The following PDZD8 variants were observed in gnomAD, a reference collection of about 807,000 sequenced individuals.
PDZD8 encodes the protein PDZ domain containing 8, also known as PDZ domain-containing protein 8.
A neutral mutation model predicts 85.8 loss-of-function variants in PDZD8; 14 were observed. The ratio of observed to expected loss-of-function variants is 0.16; its 90% CI spans 0.11 to 0.26. PDZD8 has a LOEUF of 0.26. Ranked by LOEUF, PDZD8 falls within the 10% of genes least tolerant of loss-of-function variation. PDZD8 has a pLI of 1.00. For missense variants in PDZD8, 1,197 were observed against 1,424.3 expected (o/e 0.84, Z 2.57); for synonymous variants, 592 against 568.6 (o/e 1.04, Z -0.59).
rs755023500 is a variant in PDZD8, at chr10:117,375,254, T to A, written c.-27A>T. 24 of 1,434,156 alleles carry A rather than the reference T, an allele frequency of 1.7e-5. No homozygotes were observed. The highest frequency in any genetic ancestry group is 1.9e-5 in the Non-Finnish European group (21 of 1,097,804). 88.8% of individuals were successfully genotyped at this position (1,434,156 alleles called of 1,614,324 possible). ...CCGCCACCGCCTCCGCCCGGGCCCC[T>A]ACTCCCGCGCCCACAGCGCCGCTTT... On this transcript the variant is annotated 5_prime_UTR_variant, in exon 1 of 5. Transcript: ENST00000334464.
At chr10:117,346,962 T>C (rs1209227057) in intron 1 of PDZD8, among the ~76,000 whole-genome samples, 3 of 152,100 alleles carry the variant, frequency 2.0e-5, no homozygotes. Flanking sequence ...CTATGGCTTT[T>C]CACAGTAAAT....
chr10:117,283,204 G>A lies in PDZD8; in HGVS notation c.*64C>T. On this transcript the variant is annotated 3_prime_UTR_variant, in exon 5 of 5. Transcript: ENST00000334464. ...TGCATACGAGGATTTAAACATGGTT[G>A]TATCTGTGGTACTTTAGATGCAACT... 4 of 1,461,528 alleles carry A rather than the reference G, an allele frequency of 2.7e-6. No individual in the cohort carries two copies. The highest frequency in any genetic ancestry group is 3.7e-6 in the Non-Finnish European group (4 of 1,083,592). 90.5% of individuals were successfully genotyped at this position (1,461,528 alleles called of 1,614,324 possible).
At chr10:117,297,424 G>A (rs1002575323) in intron 3 of PDZD8, among the ~76,000 whole-genome samples, 3 of 152,100 alleles carry the variant, frequency 2.0e-5, no homozygotes, top group African/African-American at 7.2e-5. Context: ...AAAGAGAAAT[G>A]AAAACATGGC....
Position 117,340,983 on chromosome 10 carries a change from C to A in PDZD8, c.992G>T (p.Ser331Ile). Residue 331 changes from serine (S) to isoleucine (I), a missense_variant, in exon 2 of 5, where the codon AGC becomes ATC. Ser to Ile is a moderately radical substitution (Grantham distance 142). Coordinates refer to ENST00000334464, the MANE Select transcript of PDZD8 (RefSeq NM_173791.5). ...GRLKVTLLEC[S>I]RLLIFGSYDR... ...AATGACAAAACAAAGAACATACCTG[C>A]TACATTCTAACAACGTAACTTTAAG... The A allele has an allele frequency of 6.2e-7, 1 of 1,613,978 alleles. No homozygotes were observed. Among genetic ancestry groups the A allele is most frequent in the South Asian group, 1.1e-5 (1 of 91,086 alleles).
At chr10:117,356,624 G>A (rs567910062) in intron 1 of PDZD8, among the ~76,000 whole-genome samples, 2 of 152,180 alleles carry the variant, frequency 1.3e-5, no homozygotes, top group Admixed American at 6.5e-5. Flanking sequence ...ATTCCTGACC[G>A]CATTTACAAA....
At position 117,333,127 on chromosome 10, in the gene PDZD8, A is replaced by AAAAAAAAC. The variant is rs1554854846; in HGVS notation, c.995+7852_995+7853insGTTTTTTT. Among the ~76,000 whole-genome samples the AAAAAAAAC allele has an allele frequency of 8.4e-3, 235 of 27,962 alleles. 10 individuals carry two copies. In the South Asian group the frequency reaches 0.085, roughly 10 times the overall value. 18.3% of individuals were successfully genotyped at this position (27,962 alleles called of 152,430 possible). ...GAGTGGACTCTGTCTCAAAAAAAAA[A>AAAAAAAAC]AAAAAAAAAAAAAAAAGGGGATATG... On this transcript the variant is annotated intron_variant, in intron 2 of 4. Coordinates refer to ENST00000334464, the MANE Select transcript of PDZD8 (RefSeq NM_173791.5).
intron 1 of PDZD8, among the ~76,000 whole-genome samples, chr10:117,369,805 T>C (rs1253320366): frequency 6.6e-6 from 1 of 152,158 alleles, no homozygotes; most frequent in Non-Finnish European, 1.5e-5. Context: ...TACAAGATAT[T>C]CCAATTTTTC....
rs1336356388 is a variant in PDZD8 at position 117,285,406 on chromosome 10, C to G, written c.1327G>C (p.Val443Leu). 1 of 1,613,354 alleles carries G rather than the reference C, an allele frequency of 6.2e-7. No individual in the cohort carries two copies. Among genetic ancestry groups the G allele is most frequent in the Non-Finnish European group, 8.5e-7 (1 of 1,179,420 alleles). The change falls in exon 5 of 5, where the codon GTG becomes CTG. Residue 443 changes from valine (V) to leucine (L), a missense_variant. Coordinates refer to ENST00000334464, the MANE Select transcript of PDZD8 (RefSeq NM_173791.5). Reference protein sequence around the residue: ...LIKQAGDRVLVYYERPVGQSN... With the variant: ...LIKQAGDRVLLYYERPVGQSN... Reference sequence around the variant, plus strand: ...TGGCCAACAGGCCTTTCATAGTACACCAGGACTCGGTCACCAGCCTGCTTG... The same window carrying G: ...TGGCCAACAGGCCTTTCATAGTACAGCAGGACTCGGTCACCAGCCTGCTTG...
intron 4 of PDZD8, among the ~76,000 whole-genome samples, chr10:117,287,992 T>G (rs1844695281): frequency 1.3e-5 from 2 of 152,238 alleles, no homozygotes; most frequent in Admixed American, 1.3e-4. Flanking sequence ...CTGAACTCAT[T>G]TTTTATGACT....
chr10:117,357,949 C>T (rs977425869), intron 1 of PDZD8, among the ~76,000 whole-genome samples: 16 of 151,636 alleles, frequency 1.1e-4, no homozygotes, highest in Middle Eastern at 3.4e-3. Flanking sequence ...GGATAAAATA[C>T]GTGGGATTTG....
chr10:117,353,281 C>G (rs942756403), intron 1 of PDZD8, among the ~76,000 whole-genome samples: 1 of 152,114 alleles, frequency 6.6e-6, no homozygotes, highest in Non-Finnish European at 1.5e-5. Flanking sequence ...TTAATACTGA[C>G]TTGGAGTCCT....
chr10:117,316,131 T>C (rs1380409657), intron 3 of PDZD8, among the ~76,000 whole-genome samples: 1 of 152,212 alleles, frequency 6.6e-6, no homozygotes, highest in Non-Finnish European at 1.5e-5. Context: ...TCTTGGCTTA[T>C]AGGATTCTCA....
chr10:117,349,973 G>A (rs1844775512), intron 1 of PDZD8, among the ~76,000 whole-genome samples: 1 of 152,092 alleles, frequency 6.6e-6, no homozygotes, highest in Non-Finnish European at 1.5e-5. Context: ...TAAAGCTTCT[G>A]ACTCAAGGAT....
chr10:117,346,650 TATGTAA>T (rs2133856121), intron 1 of PDZD8, among the ~76,000 whole-genome samples: 1 of 152,198 alleles, frequency 6.6e-6, no homozygotes, highest in East Asian at 1.9e-4. Flanking sequence ...GGAGCTTTTA[TATGTAA>T]ATGCCAGCAG....
At position 117,279,012 on chromosome 10, in the gene PDZD8, C is replaced by A. The variant is rs953873886; in HGVS notation, c.*4256G>T. 1 of 152,192 alleles carries A rather than the reference C, an allele frequency of 6.6e-6. No individual in the cohort carries two copies. The highest frequency in any genetic ancestry group is 2.4e-5 in the African/African-American group (1 of 41,454). The allele number at this position is 152,192 out of a possible 1,614,324, so 9.4% of individuals were successfully genotyped here. ...TTCTCCCTGCCCCCAATACCATATA[C>A]TTTATTGCAATTTTATTTTTGCCTT... On this transcript the variant is annotated 3_prime_UTR_variant, in exon 5 of 5. Transcript: ENST00000334464.
In PDZD8 at chr10:117,341,102, C is replaced by A; in HGVS notation, c.873G>T (p.Arg291Ser). Residue 291 changes from arginine to serine, a missense_variant and splice_region_variant, in exon 2 of 5, where the codon AGG becomes AGT. Arg to Ser is a moderately radical substitution (Grantham distance 110). Transcript: ENST00000334464. Reference sequence around the variant, plus strand: ...TCTGGTATGGAAAAAACGGCTTAAACCTGACAAAAGTAAAGATAAGTCTAA... The same window carrying A: ...TCTGGTATGGAAAAAACGGCTTAAAACTGACAAAAGTAAAGATAAGTCTAA... ...RKHTLPNYKI[R>S]FKPFFPYQTL... 1 of 1,612,298 alleles carries A rather than the reference C, an allele frequency of 6.2e-7. No individual in the cohort carries two copies. Among genetic ancestry groups the A allele is most frequent in the Non-Finnish European group, 8.5e-7 (1 of 1,178,534 alleles).
Position 117,334,611 on chromosome 10 carries a change from T to G in PDZD8, c.995+6369A>C, listed in dbSNP as rs956211378. Among the ~76,000 whole-genome samples, 10 of 150,750 alleles carry G rather than the reference T, an allele frequency of 6.6e-5. No homozygotes were observed. In the South Asian group the frequency reaches 1.0e-3, roughly 16 times the overall value. On this transcript the variant is annotated intron_variant, in intron 2 of 4. Transcript: ENST00000334464. ...TATATATATATATGGCTCAAAAAAC[T>G]GACAGAACATTTGTTCAAAGAATTA... is the stretch of plus-strand genomic sequence containing the variant.
At chr10:117,339,460 G>T (rs1844573062) in intron 2 of PDZD8, among the ~76,000 whole-genome samples, 1 of 152,156 alleles carries the variant, frequency 6.6e-6, no homozygotes, top group Admixed American at 6.6e-5. Context: ...AACACAATGG[G>T]CTTGGTGCTT....
At chr10:117,305,850 C>G (rs1404485682) in intron 3 of PDZD8, among the ~76,000 whole-genome samples, 3 of 152,148 alleles carry the variant, frequency 2.0e-5, no homozygotes, top group African/African-American at 7.2e-5. Context: ...TCCATGTCAT[C>G]TAGCATGGCT....
Sources: gnomAD v4.1 joint callset for allele counts (sites outside exome capture counted in the v4.1 genomes callset) on GRCh38, gnomAD v4.1.1 for gene constraint, MANE v1.5 for transcripts, NCBI Gene and HGNC (gene_info 2026-07-23, HGNC 2026-07-21) for gene names.